The following SV2C variants were observed in gnomAD, a reference collection of about 807,000 sequenced individuals.
SV2C encodes the protein solute carrier family 22 member B3.
In SV2C, 49 loss-of-function variants were observed where a neutral mutation model predicts 79.7. The observed-to-expected ratio is 0.61, with a 90% CI of 0.49 to 0.78. SV2C has a LOEUF of 0.78. Among genes scored for constraint, SV2C ranks in the 30% least tolerant of loss-of-function variants. The pLI, the probability that SV2C is intolerant of heterozygous loss-of-function variation, is 0.00. For synonymous variants in SV2C, 334 were observed against 333.2 expected (o/e 1.00, Z -0.03); for missense variants, 833 against 912.9 (o/e 0.91, Z 1.13).
intron 7 of SV2C, 21 bp from the exon 8 acceptor site, chr5:76,291,743 AAACT>A (rs1747572242): frequency 6.4e-7 from 1 of 1,566,934 alleles, no homozygotes; most frequent in Non-Finnish European, 8.8e-7. Flanking sequence ...CTGCATGAGA[AAACT>A]AACTCTCTAA....
At chr5:76,092,019 A>G (rs1429590468) in intron 1 of SV2C, among the ~76,000 whole-genome samples, 1 of 152,198 alleles carries the variant, frequency 6.6e-6, no homozygotes, top group Admixed American at 6.5e-5. Flanking sequence ...TAAAATGGAA[A>G]TATTTTGAAG....
chr5:76,259,579 C>A (rs999029545), intron 4 of SV2C, among the ~76,000 whole-genome samples: 9 of 152,170 alleles, frequency 5.9e-5, no homozygotes, highest in African/African-American at 2.2e-4. Context: ...AGGTATTTGT[C>A]CTAATGCTCT....
the SV2C span, among the ~76,000 whole-genome samples, chr5:76,067,365 T>C: frequency 6.6e-6 from 1 of 152,090 alleles, no homozygotes; most frequent in Admixed American, 6.5e-5. Flanking sequence ...TTTTTTGACT[T>C]AAAAAAGTCT....
At position 76,111,447 on chromosome 5, in the gene SV2C, C is replaced by A. The variant is rs1033581644; in HGVS notation, c.-101-20203C>A. 3.9e-5 allele frequency among the ~76,000 whole-genome samples: 6 copies of A among 152,262 alleles called. No individual in the cohort carries two copies. In the South Asian group the frequency reaches 8.3e-4, roughly 21 times the overall value. The stretch of plus-strand genomic sequence containing the variant: ...AATTGAAAGAAGGTAAAGTGAGGCA[C>A]TTTTCCAGCGAGGAAATGTATTTTG... On this transcript the variant is annotated intron_variant, in intron 1 of 12. Coordinates refer to ENST00000502798, the MANE Select transcript of SV2C (RefSeq NM_014979.4).
chr5:75,952,942 G>A, the SV2C span, among the ~76,000 whole-genome samples: 9 of 151,906 alleles, frequency 5.9e-5, no homozygotes, highest in Non-Finnish European at 1.2e-4. Context: ...AAATACTCAA[G>A]TGCTTCTAGA....
chr5:76,316,533 T>C (rs1748625860), intron 12 of SV2C, among the ~76,000 whole-genome samples: 1 of 152,200 alleles, frequency 6.6e-6, no homozygotes, highest in Non-Finnish European at 1.5e-5. Flanking sequence ...ACGTGCACTT[T>C]GGTTCAATCA....
rs79748344 is a variant in SV2C at position 76,174,827 on chromosome 5, G to A, written c.581-20092G>A. On this transcript the variant is annotated intron_variant, in intron 2 of 12. Coordinates refer to ENST00000502798, the MANE Select transcript of SV2C (RefSeq NM_014979.4). ...TATCCTGATAAGCAAGGGTCCTCCT[G>A]TTCATCTAGCCCAACGCTGATGCTG... Among the ~76,000 whole-genome samples, 1,412 of 152,310 alleles carry A rather than the reference G, an allele frequency of 9.3e-3. 15 individuals carry two copies. Among genetic ancestry groups the A allele is most frequent in the African/African-American group, 0.032 (1,331 of 41,564 alleles).
the SV2C span, among the ~76,000 whole-genome samples, chr5:75,952,371 A>T: frequency 6.6e-6 from 1 of 150,466 alleles, no homozygotes; most frequent in Non-Finnish European, 1.5e-5. Flanking sequence ...TTAAATAGAG[A>T]CATTTCTCAA....
chr5:76,004,106 T>C, the SV2C span, among the ~76,000 whole-genome samples: 6 of 152,286 alleles, frequency 3.9e-5, no homozygotes, highest in Non-Finnish European at 8.8e-5. Flanking sequence ...CTATTCCTTC[T>C]TCCATCTTAA....
intron 4 of SV2C, among the ~76,000 whole-genome samples, chr5:76,251,371 T>A (rs1006346507): frequency 2.0e-5 from 3 of 151,954 alleles, no homozygotes; most frequent in Non-Finnish European, 2.9e-5. Context: ...GACAAGACCC[T>A]GTCTCTACAG....
the SV2C span, among the ~76,000 whole-genome samples, chr5:76,021,682 A>G: frequency 2.0e-5 from 3 of 152,198 alleles, no homozygotes; most frequent in African/African-American, 7.2e-5. Flanking sequence ...TTATTCCTTC[A>G]ACATCAGTTT....
chr5:76,236,517 G>A (rs552322113), intron 4 of SV2C, among the ~76,000 whole-genome samples: 2 of 151,694 alleles, frequency 1.3e-5, no homozygotes, highest in Non-Finnish European at 2.9e-5. Flanking sequence ...ATCCAAGATC[G>A]CATCACTGCA....
chr5:76,065,376 G>A, the SV2C span, among the ~76,000 whole-genome samples: 3 of 152,118 alleles, frequency 2.0e-5, no homozygotes, highest in Non-Finnish European at 4.4e-5. Flanking sequence ...TCTGTCAGAA[G>A]GTGGCAAACC....
intron 4 of SV2C, 105 bp downstream of exon 4, chr5:76,209,992 C>T: frequency 7.6e-7 from 1 of 1,315,726 alleles, no homozygotes; most frequent in Non-Finnish European, 1.0e-6. Flanking sequence ...AAAAACTACT[C>T]ATCATCATGT....
At chr5:76,016,517 AC>A in the SV2C span, among the ~76,000 whole-genome samples, 1 of 152,152 alleles carries the variant, frequency 6.6e-6, no homozygotes, top group African/African-American at 2.4e-5. Flanking sequence ...CAGATATTGA[AC>A]TTGAAACCTC....
chr5:75,876,801 A>G, the SV2C span, among the ~76,000 whole-genome samples: 1 of 152,118 alleles, frequency 6.6e-6, no homozygotes, highest in Non-Finnish European at 1.5e-5. Context: ...CAACCACCTA[A>G]AAGTGGTTAA....
At chr5:76,087,220 A>G (rs1747226880) in intron 1 of SV2C, among the ~76,000 whole-genome samples, 2 of 152,348 alleles carry the variant, frequency 1.3e-5, no homozygotes, top group South Asian at 4.1e-4. Context: ...AATTTGAAAA[A>G]TAATTCCTGC....
the SV2C span, among the ~76,000 whole-genome samples, chr5:76,012,873 A>G: frequency 1.3e-5 from 2 of 152,102 alleles, no homozygotes; most frequent in East Asian, 3.8e-4. Context: ...TCATTTCCCC[A>G]TTGCTTGTTT....
At chr5:76,018,721 G>C in the SV2C span, among the ~76,000 whole-genome samples, 1 of 152,180 alleles carries the variant, frequency 6.6e-6, no homozygotes, top group African/African-American at 2.4e-5. Flanking sequence ...GAAGGAAGAG[G>C]TTGGGGAAGA....
Sources: gnomAD v4.1 joint callset for allele counts (sites outside exome capture counted in the v4.1 genomes callset) on GRCh38, gnomAD v4.1.1 for gene constraint, MANE v1.5 for transcripts, NCBI Gene and HGNC (gene_info 2026-07-23, HGNC 2026-07-21) for gene names.